COL12A1: variants seen among roughly 807,000 people sequenced by gnomAD.
COL12A1 encodes the protein collagen alpha-1(XII) chain.
Under a neutral mutation model 349.7 loss-of-function variants are expected in COL12A1, and 114 were observed. The observed-to-expected ratio is 0.33, with a 90% confidence interval of 0.28 to 0.38. The LOEUF is 0.38. Ranked by LOEUF, COL12A1 falls within the 10% of genes least tolerant of loss-of-function variation. COL12A1 has a pLI of 1.00. For synonymous variants in COL12A1, 1,369 were observed against 1,329.0 expected, an observed-to-expected ratio of 1.03 and a Z score of -0.66; for missense variants, 3,284 against 3,756.9, an observed-to-expected ratio of 0.87 and a Z score of 3.29.
At position 75,138,452 on chromosome 6, in the gene COL12A1, G is replaced by A; in HGVS notation, c.5226C>T (p.Arg1742=). ...SESDDLIGSE[R]TLPILTTQAP... ...ATTTGAAAGCTAAACACCTACGTGT[G>A]CGCTCACTGCCAATCAGGTCATCAC... The change falls in exon 29 of 66, where the codon CGC becomes CGT. Residue 1742 remains arginine, a synonymous_variant. Transcript: ENST00000322507. 1 of 1,613,318 alleles carries A rather than the reference G, an allele frequency of 6.2e-7. No homozygotes were observed. The highest frequency in any genetic ancestry group is 8.5e-7 in the Non-Finnish European group (1 of 1,179,750).
At chr6:75,096,809 T>C in intron 59 of COL12A1, among the ~76,000 whole-genome samples, 1 of 138,416 alleles carries the variant, frequency 7.2e-6, no homozygotes, top group East Asian at 2.2e-4. Flanking sequence ...GGCAGGAGAA[T>C]GGCGTGAACC....
At position 75,104,670 on chromosome 6, in the gene COL12A1, C is replaced by T. The variant is rs77327170; in HGVS notation, c.8265+536G>A. Among the ~76,000 whole-genome samples, 737 of 152,284 alleles carry T rather than the reference C, an allele frequency of 4.8e-3. 25 individuals are homozygous for T. In the East Asian group the frequency reaches 0.063, roughly 13 times the overall value. ...TTTGCCTTGCACTTTCTTGGTTTTC[C>T]CTCCCAACCAATGCATAAATCTGGT... On this transcript the variant is annotated intron_variant, in intron 54 of 65. Coordinates refer to ENST00000322507, the MANE Select transcript of COL12A1 (RefSeq NM_004370.6).
chr6:75,103,033 C>A (rs1283536193), intron 55 of COL12A1, among the ~76,000 whole-genome samples: 1 of 151,974 alleles, frequency 6.6e-6, no homozygotes, highest in African/African-American at 2.4e-5. Flanking sequence ...TTATTTTAAG[C>A]TAGTCCTCAT....
intron 14 of COL12A1, among the ~76,000 whole-genome samples, chr6:75,161,740 T>G (rs1768038068): frequency 6.6e-6 from 1 of 152,238 alleles, no homozygotes; most frequent in Non-Finnish European, 1.5e-5. Context: ...ATGACAAGAT[T>G]GTATATTTAG....
At chr6:75,111,063 T>C (rs1489608355) in intron 51 of COL12A1, among the ~76,000 whole-genome samples, 2 of 151,928 alleles carry the variant, frequency 1.3e-5, no homozygotes, top group African/African-American at 4.8e-5. Flanking sequence ...ATATGTTAAT[T>C]AGCTTGATTG....
intron 10 of COL12A1, 129 bp downstream of exon 10, chr6:75,182,921 T>C (rs903927267): frequency 3.4e-6 from 4 of 1,163,928 alleles, no homozygotes; most frequent in Non-Finnish European, 4.8e-6. Context: ...GTTCAATAGT[T>C]TTCAATAACA....
At chr6:75,097,092 G>A (rs1354976426) in intron 59 of COL12A1, among the ~76,000 whole-genome samples, 161 bp downstream of exon 59, 2 of 152,064 alleles carry the variant, frequency 1.3e-5, no homozygotes, top group African/African-American at 4.8e-5. Context: ...TAACACGTCT[G>A]TTTTCTCTAG....
chr6:75,089,194 G>A lies in COL12A1; in HGVS notation c.8942-20C>T. ...GCAAACCTAAGGAGGGAGAAAAAGA[G>A]AAAGCACAGGGGAAAAATTATCTGG... is the stretch of plus-strand genomic sequence containing the variant. On this transcript the variant is annotated intron_variant, in intron 63 of 65. Coordinates refer to ENST00000322507, the MANE Select transcript of COL12A1 (RefSeq NM_004370.6). 6.4e-7 allele frequency: 1 copy of A among 1,573,166 alleles called. No homozygotes were observed. The highest frequency in any genetic ancestry group is 2.3e-5 in the East Asian group (1 of 44,182).
chr6:75,174,418 T>C (rs1180795525), intron 13 of COL12A1, among the ~76,000 whole-genome samples: 1 of 151,960 alleles, frequency 6.6e-6, no homozygotes, highest in Admixed American at 6.6e-5. Flanking sequence ...TAGCCAGGCG[T>C]GGTGGCGGGC....
intron 13 of COL12A1, among the ~76,000 whole-genome samples, chr6:75,173,775 T>C (rs1485540824): frequency 1.3e-5 from 2 of 152,360 alleles, no homozygotes; most frequent in African/African-American, 4.8e-5. Context: ...TCTCATTAAT[T>C]ACAATATCTA....
intron 47 of COL12A1, among the ~76,000 whole-genome samples, chr6:75,117,132 G>A (rs1769121742): frequency 6.6e-6 from 1 of 152,170 alleles, no homozygotes; most frequent in South Asian, 2.1e-4. Context: ...CATTGGGGTG[G>A]TGGGAAAAGG....
Position 75,189,830 on chromosome 6 carries a change from A to T in COL12A1, c.395-15T>A. ...GACAGAGCATTCTGAAATACATTTG[A>T]TATCTTTTTAAATGATGCTTTATTA... is the stretch of plus-strand genomic sequence containing the variant. On this transcript the variant is annotated splice_polypyrimidine_tract_variant and intron_variant, in intron 5 of 65. Transcript: ENST00000322507. 6.2e-7 allele frequency: 1 copy of T among 1,607,422 alleles called. No individual in the cohort carries two copies. Among genetic ancestry groups the T allele is most frequent in the Non-Finnish European group, 8.5e-7 (1 of 1,175,922 alleles).
chr6:75,105,554 T>A (rs1449332902), intron 53 of COL12A1, among the ~76,000 whole-genome samples: 1 of 152,164 alleles, frequency 6.6e-6, no homozygotes, highest in Admixed American at 6.6e-5. Flanking sequence ...TTTCCTCTAA[T>A]CCAGTGTTAG....
At chr6:75,099,943 T>TGTTTTGTTTC (rs1437358890) in intron 58 of COL12A1, among the ~76,000 whole-genome samples, 1 of 152,186 alleles carries the variant, frequency 6.6e-6, no homozygotes, top group Non-Finnish European at 1.5e-5. Flanking sequence ...CGTTTTGTTT[T>TGTTTTGTTTC]GTTTTGTTTC....
chr6:75,140,655 C>CAAAAAAAAAAAAAAAAAAAAAAAAAA (rs1236499281), intron 27 of COL12A1, among the ~76,000 whole-genome samples: 1 of 46,134 alleles, frequency 2.2e-5, no homozygotes, highest in African/African-American at 9.0e-5. Context: ...GACTCTGTCT[C>CAAAAAAAAAAAAAAAAAAAAAAAAAA]AAAAAAAAAA....
intron 8 of COL12A1, among the ~76,000 whole-genome samples, chr6:75,186,638 A>T (rs1769637693): frequency 6.6e-6 from 1 of 152,210 alleles, no homozygotes; most frequent in African/African-American, 2.4e-5. Context: ...AAGGAATATA[A>T]ATCATCCTAT....
chr6:75,177,978 C>A, intron 11 of COL12A1, 43 bp from the exon 12 acceptor site: 1 of 1,535,162 alleles, frequency 6.5e-7, no homozygotes, highest in Non-Finnish European at 8.7e-7. Flanking sequence ...CATAAATTGA[C>A]TGACTTTATA....
chr6:75,134,788 A>G lies in COL12A1; in HGVS notation c.5462T>C (p.Ile1821Thr), dbSNP rs1464239210. The change falls in exon 32 of 66, where the codon ATC becomes ACC. Residue 1821 changes from isoleucine to threonine, a missense_variant. This residue lies in a region of COL12A1 where 2,601 missense variants were observed against 2,824.8 expected (regional missense o/e 0.92). Transcript: ENST00000322507. The stretch of plus-strand genomic sequence containing the variant: ...ATCAGGATACAGAGAGGATACGGTG[A>G]TAGTGTAAGGAGTGTCTGGCTTCAG... ...QKLKPDTPYT[I>T]TVSSLYPDGE... is the part of the protein sequence containing the mutation. 2.5e-6 allele frequency: 4 copies of G among 1,613,192 alleles called. No homozygotes were observed. Among genetic ancestry groups the G allele is most frequent in the African/African-American group, 2.7e-5 (2 of 74,910 alleles).
Position 75,194,960 on chromosome 6 carries a change from G to A in COL12A1, c.74-13C>T. ...GAAGGTGGGTCAACTGCAAAAGAGA[G>A]AGTTTATATTATTAAACTTTTCAAT... is the stretch of plus-strand genomic sequence containing the variant. On this transcript the variant is annotated splice_polypyrimidine_tract_variant and intron_variant, in intron 2 of 65. Transcript: ENST00000322507. 6.2e-6 allele frequency: 9 copies of A among 1,460,022 alleles called. No homozygotes were observed. Among genetic ancestry groups the A allele is most frequent in the Middle Eastern group, 1.9e-4 (1 of 5,354 alleles). 90.4% of individuals were successfully genotyped at this position (1,460,022 alleles called of 1,614,324 possible). A position where few individuals can be genotyped will look rare whatever the true frequency, so the allele number is the denominator to read the frequency against.
Sources: gnomAD v4.1 joint callset for allele counts (sites outside exome capture counted in the v4.1 genomes callset) on GRCh38, gnomAD v4.1.1 for gene constraint, gnomAD v4.1.1 regional missense constraint, MANE v1.5 for transcripts, NCBI Gene and HGNC (gene_info 2026-07-23, HGNC 2026-07-21) for gene names.